Variants in POU6F2 observed in about 807,000 individuals in gnomAD.
The protein encoded by POU6F2 is POU domain, class 6, transcription factor 2.
Under a neutral mutation model 71.3 loss-of-function variants are expected in POU6F2, and 31 were observed. The ratio of observed to expected loss-of-function variants is 0.43; its 90% CI spans 0.33 to 0.59. The LOEUF is 0.59. Ranked by LOEUF, POU6F2 falls within the 20% of genes least tolerant of loss-of-function variation. The probability of loss-of-function intolerance (pLI) is 0.04; values close to 1 mark genes in which losing one functional copy is unlikely to be tolerated. For synonymous variants in POU6F2, 347 were observed against 355.7 expected, an observed-to-expected ratio of 0.98 and a Z score of 0.27; for missense variants, 783 against 856.8, an observed-to-expected ratio of 0.91 and a Z score of 1.07.
intron 4 of POU6F2, among the ~76,000 whole-genome samples, chr7:39,310,332 G>A (rs1583514724): frequency 1.3e-5 from 2 of 152,196 alleles, no homozygotes; most frequent in South Asian, 2.1e-4. Flanking sequence ...ACAGCTTTAT[G>A]TATAAGGCGT....
At chr7:39,082,465 T>G (rs2128720184) in intron 1 of POU6F2, among the ~76,000 whole-genome samples, 1 of 152,348 alleles carries the variant, frequency 6.6e-6, no homozygotes, top group South Asian at 2.1e-4. Flanking sequence ...TAGCTACTTC[T>G]GTTCCTGTTT....
chr7:39,006,686 ATG>A (rs1789081401), intron 1 of POU6F2: 5 of 688,830 alleles, frequency 7.3e-6, no homozygotes, highest in African/African-American at 3.5e-5. Flanking sequence ...TGTAAAAAGC[ATG>A]TGTGTCATTT....
chr7:39,339,887 C>A lies in POU6F2; in HGVS notation c.844C>A (p.Pro282Thr), dbSNP rs373709968. ...QQAPQPQQHQ[P>T]HSHSQNQNQP... ...GGCGCCTCAGCCCCAGCAGCACCAA[C>A]CCCACTCCCACTCCCAGAACCAGAA... Residue 282 changes from proline (P) to threonine (T), a missense_variant, in exon 5 of 10, where the codon CCC becomes ACC. Physicochemically the swap from Pro to Thr is conservative, Grantham distance 38 (BLOSUM62 -1). This residue lies in a region of POU6F2 where 572 missense variants were observed against 572.9 expected (regional missense o/e 1.00). Transcript: ENST00000518318. 1 of 1,613,786 alleles carries A rather than the reference C, an allele frequency of 6.2e-7. No individual in the cohort carries two copies. Among genetic ancestry groups the A allele is most frequent in the Non-Finnish European group, 8.5e-7 (1 of 1,179,788 alleles).
intron 1 of POU6F2, among the ~76,000 whole-genome samples, chr7:38,980,599 A>G (rs1788292871): frequency 6.6e-6 from 1 of 152,204 alleles, no homozygotes; most frequent in East Asian, 1.9e-4. Context: ...TCTTGTCTTA[A>G]ATATCGTCTT....
Position 39,433,180 on chromosome 7 carries a change from C to G in POU6F2, c.1217C>G (p.Thr406Arg). The change falls in exon 7 of 10, where the codon ACA becomes AGA. Residue 406 changes from threonine (T) to arginine (R), a missense_variant. Around this residue, in one of 2 missense-constraint regions of POU6F2, gnomAD observed 572 missense variants for 572.9 expected, o/e 1.00. Coordinates refer to ENST00000518318, the MANE Select transcript of POU6F2 (RefSeq NM_001370959.1). ...QVQPITPQLL[T>R]NAQGQIIATV... ...CAGCCAATCACCCCCCAGCTCCTCA[C>G]AAACGCCCAGGGCCAGATCATCGCC... is the stretch of plus-strand genomic sequence containing the variant. The G allele has an allele frequency of 6.2e-7, 1 of 1,613,918 alleles. No individual in the cohort carries two copies. The highest frequency in any genetic ancestry group is 8.5e-7 in the Non-Finnish European group (1 of 1,179,884).
intron 4 of POU6F2, among the ~76,000 whole-genome samples, chr7:39,327,697 A>G (rs1390715417): frequency 6.6e-6 from 1 of 151,770 alleles, no homozygotes; most frequent in Non-Finnish European, 1.5e-5. Flanking sequence ...ATATATATAA[A>G]ATTCTGTGTA....
intron 4 of POU6F2, among the ~76,000 whole-genome samples, chr7:39,295,672 T>C (rs1230916055): frequency 6.6e-6 from 1 of 152,198 alleles, no homozygotes; most frequent in Non-Finnish European, 1.5e-5. Flanking sequence ...AGTATTTAGA[T>C]AGAGTAGTCC....
chr7:39,217,324 T>G (rs1562750924), intron 4 of POU6F2, among the ~76,000 whole-genome samples: 1 of 144,696 alleles, frequency 6.9e-6, no homozygotes, highest in Non-Finnish European at 1.5e-5. Flanking sequence ...GAGAAATTGC[T>G]GGCAGGGAGT....
At chr7:39,389,262 T>C (rs1328121799) in intron 5 of POU6F2, among the ~76,000 whole-genome samples, 1 of 152,224 alleles carries the variant, frequency 6.6e-6, no homozygotes, top group African/African-American at 2.4e-5. Flanking sequence ...ACAATAGTTC[T>C]ACATGTTTTA....
chr7:39,397,586 G>A (rs10282168), intron 5 of POU6F2, among the ~76,000 whole-genome samples: 59,064 of 147,246 alleles, frequency 0.4, 12,493 homozygotes, highest in East Asian at 0.71. Flanking sequence ...TTCGCCTCCC[G>A]GGCTCAAGTA....
intron 2 of POU6F2, among the ~76,000 whole-genome samples, chr7:39,087,618 GCCATGC>G (rs1791279950): frequency 1.3e-5 from 2 of 152,132 alleles, no homozygotes; most frequent in South Asian, 4.1e-4. Flanking sequence ...AAAGGTAAAA[GCCATGC>G]CCATGCCCCT....
chr7:39,390,517 A>G (rs1163527971), intron 5 of POU6F2, among the ~76,000 whole-genome samples: 1 of 152,218 alleles, frequency 6.6e-6, no homozygotes, highest in African/African-American at 2.4e-5. Flanking sequence ...AATCTTAACC[A>G]ATTTGCATGA....
chr7:39,105,429 C>G (rs968329709), intron 2 of POU6F2, among the ~76,000 whole-genome samples: 1 of 140,326 alleles, frequency 7.1e-6, no homozygotes, highest in African/African-American at 2.6e-5. Context: ...TTTTTTTAAC[C>G]TCAGGTTTTT....
At chr7:39,009,377 C>G (rs952878131) in intron 1 of POU6F2, among the ~76,000 whole-genome samples, 24 of 151,998 alleles carry the variant, frequency 1.6e-4, no homozygotes, top group Non-Finnish European at 3.2e-4. Context: ...GATTTTGTAT[C>G]CTGAGACTTT....
At chr7:39,208,301 A>T (rs1292636162) in intron 4 of POU6F2, among the ~76,000 whole-genome samples, 1 of 152,226 alleles carries the variant, frequency 6.6e-6, no homozygotes, top group African/African-American at 2.4e-5. Context: ...ATTGATTTAC[A>T]AAAGATTCTG....
chr7:39,224,587 C>T (rs2128748962), intron 4 of POU6F2, among the ~76,000 whole-genome samples: 1 of 152,240 alleles, frequency 6.6e-6, no homozygotes, highest in East Asian at 1.9e-4. Context: ...TTAGAACCAC[C>T]AATGACTGCT....
intron 4 of POU6F2, among the ~76,000 whole-genome samples, chr7:39,242,033 A>G (rs1489014050): frequency 1.3e-5 from 2 of 152,134 alleles, no homozygotes; most frequent in Non-Finnish European, 2.9e-5. Flanking sequence ...TCTATGTTGT[A>G]TGTAACAGGT....
chr7:39,235,634 C>T (rs1317094628), intron 4 of POU6F2, among the ~76,000 whole-genome samples: 1 of 152,174 alleles, frequency 6.6e-6, no homozygotes, highest in East Asian at 1.9e-4. Context: ...TGCCTTGTAT[C>T]CCCTGAGCTT....
intron 4 of POU6F2, among the ~76,000 whole-genome samples, chr7:39,249,425 C>T (rs922059303): frequency 1.3e-5 from 2 of 152,178 alleles, no homozygotes; most frequent in Admixed American, 6.5e-5. Context: ...TTAAAACGTA[C>T]AGCACCCACC....
Sources: gnomAD v4.1 joint callset for allele counts (sites outside exome capture counted in the v4.1 genomes callset) on GRCh38, gnomAD v4.1.1 for gene constraint, gnomAD v4.1.1 regional missense constraint, MANE v1.5 for transcripts, NCBI Gene and HGNC (gene_info 2026-07-23, HGNC 2026-07-21) for gene names.